Variants in SLCO1A2 observed in about 807,000 individuals in gnomAD.
SLCO1A2 encodes the protein solute carrier organic anion transporter family member 1A2.
SLCO1A2 carries 67 observed loss-of-function variants against 69.0 expected under a neutral mutation model. The observed-to-expected ratio is 0.97, with a 90% CI of 0.80 to 1.19. The LOEUF is 1.19. Among genes scored for constraint, SLCO1A2 ranks in the 50% most tolerant of loss-of-function variants. The pLI is 0.00. For missense variants in SLCO1A2, 787 were observed against 793.7 expected, an observed-to-expected ratio of 0.99 and a Z score of 0.10; for synonymous variants, 260 against 265.9, an observed-to-expected ratio of 0.98 and a Z score of 0.22.
chr12:21,414,093 C>T (rs1941953905), intron 1 of SLCO1A2, among the ~76,000 whole-genome samples: 1 of 146,802 alleles, frequency 6.8e-6, no homozygotes, highest in Non-Finnish European at 1.5e-5. Flanking sequence ...AGAAAACTAA[C>T]ACTTTGAGTT....
At chr12:21,412,730 CCTCAGGTTCTAGAAGGTTTG>C (rs1941928381) in intron 1 of SLCO1A2, among the ~76,000 whole-genome samples, 1 of 152,130 alleles carries the variant, frequency 6.6e-6, no homozygotes, top group Non-Finnish European at 1.5e-5. Flanking sequence ...AAAGTGAAGG[CCTCAGGTTCTAGAAGGTTTG>C]AATCTTAGCC....
chr12:21,347,689 G>GAAGGAAGA (rs1953315520), intron 2 of SLCO1A2, among the ~76,000 whole-genome samples: 1 of 143,006 alleles, frequency 7.0e-6, no homozygotes, highest in Non-Finnish European at 1.5e-5. Flanking sequence ...AGGAAGGAAG[G>GAAGGAAGA]AAGGAAGGAA....
At chr12:21,402,838 G>T (rs752138675) in intron 1 of SLCO1A2, among the ~76,000 whole-genome samples, 34 of 152,130 alleles carry the variant, frequency 2.2e-4, no homozygotes, top group Non-Finnish European at 3.8e-4. Context: ...AAAAAGATAC[G>T]CCCAAAATTG....
At chr12:21,318,283 C>T (rs61927779) in intron 3 of SLCO1A2, among the ~76,000 whole-genome samples, 17,172 of 151,880 alleles carry the variant, frequency 0.11, 1,064 homozygotes, top group Non-Finnish European at 0.15. Flanking sequence ...CATACCCGGC[C>T]AATTTGTTTG....
In SLCO1A2 at chr12:21,265,267, GTGCAAGGCCTTATTTCCA is replaced by G. The variant is rs749395424; in HGVS notation, c.*4263_*4280del. The G allele has an allele frequency of 1.1e-4, 16 of 152,250 alleles. No individual in the cohort carries two copies. The highest frequency in any genetic ancestry group is 2.1e-4 in the Non-Finnish European group (14 of 68,144). The allele number at this position is 152,250 out of a possible 1,614,324, so 9.4% of individuals were successfully genotyped here. ...CTTTTGTTTCCCACAGCCTATTTCAGTGCAAGGCCTTATTTCCATGAGACTCTGGGAGAACAGCATGCA... is the reference window on the plus strand; with the variant it reads ...CTTTTGTTTCCCACAGCCTATTTCAGTGAGACTCTGGGAGAACAGCATGCA... On this transcript the variant is annotated 3_prime_UTR_variant, in exon 15 of 15. Transcript: ENST00000683939.
intron 4 of SLCO1A2, among the ~76,000 whole-genome samples, chr12:21,312,194 C>A (rs774225185): frequency 1.3e-5 from 2 of 152,236 alleles, no homozygotes; most frequent in African/African-American, 2.4e-5. Context: ...TAACTTGCTG[C>A]AGCTTCTCCA....
At chr12:21,353,119 C>T (rs553176220) in intron 2 of SLCO1A2, among the ~76,000 whole-genome samples, 1 of 152,208 alleles carries the variant, frequency 6.6e-6, no homozygotes, top group Admixed American at 6.5e-5. Context: ...CTGCTTAAAA[C>T]CCCTATTATA....
intron 12 of SLCO1A2, among the ~76,000 whole-genome samples, chr12:21,282,795 GCAAA>G (rs1185955913): frequency 6.6e-6 from 1 of 151,876 alleles, no homozygotes; most frequent in African/African-American, 2.4e-5. Flanking sequence ...TATGCCAACA[GCAAA>G]CAGTCTAAAA....
At chr12:21,376,642 A>T (rs1025914901) in intron 1 of SLCO1A2, among the ~76,000 whole-genome samples, 1 of 151,906 alleles carries the variant, frequency 6.6e-6, no homozygotes, top group African/African-American at 2.4e-5. Flanking sequence ...GTACTTAGGA[A>T]GAAATATGGG....
upstream of SLCO1A2, among the ~76,000 whole-genome samples, chr12:21,337,300 A>G (rs1301870920): frequency 6.6e-6 from 1 of 152,048 alleles, no homozygotes. Flanking sequence ...AGTTTTATAA[A>G]ACAATAATAC....
At chr12:21,395,250 GA>G in exon 1 of SLCO1A2, 1 of 152,828 alleles carries the variant, frequency 6.5e-6, no homozygotes, top group Non-Finnish European at 1.5e-5. Context: ...CTGAGTCAAA[GA>G]AAGGGGTGAC....
chr12:21,292,389 T>G, intron 11 of SLCO1A2, 53 bp from the exon 12 acceptor site: 4 of 1,472,642 alleles, frequency 2.7e-6, no homozygotes, highest in Non-Finnish European at 3.7e-6. Context: ...AACACAAATT[T>G]TAAACATTTT....
intron 13 of SLCO1A2, chr12:21,275,024 T>C: frequency 4.9e-6 from 5 of 1,018,322 alleles, no homozygotes; most frequent in Non-Finnish European, 5.9e-6. Flanking sequence ...ATAACGTGCT[T>C]TTTACATACA....
chr12:21,354,054 G>C (rs1165862387), intron 2 of SLCO1A2, among the ~76,000 whole-genome samples: 1 of 152,090 alleles, frequency 6.6e-6, no homozygotes, highest in Non-Finnish European at 1.5e-5. Context: ...GTAACATTAG[G>C]GTTGTTTGAA....
rs145456505 is a variant in SLCO1A2, at chr12:21,314,676, G to T, written c.208C>A (p.Leu70Ile). ...FINGSFEIGN[L>I]LLIIFVSYFG... ...TAACTCACAAATATAATCAACAAAA[G>T]ATTTCCTAGGAAAAAATTGAGAATA... Residue 70 changes from leucine (L) to isoleucine (I), a missense_variant, in exon 4 of 15, where the codon CTT becomes ATT. Coordinates refer to ENST00000683939, the MANE Select transcript of SLCO1A2 (RefSeq NM_001386879.1). 3.8e-6 allele frequency: 6 copies of T among 1,596,276 alleles called. No individual in the cohort carries two copies. The South Asian group carries it at 4.4e-5, about 12-fold the overall frequency.
At chr12:21,319,247 TA>T (rs1174897999) in intron 2 of SLCO1A2, 2 of 964,532 alleles carry the variant, frequency 2.1e-6, no homozygotes, top group Non-Finnish European at 3.0e-6. Flanking sequence ...CAATGATATC[TA>T]AAGTACAAAA....
At chr12:21,354,583 T>A (rs1361980371) in intron 2 of SLCO1A2, among the ~76,000 whole-genome samples, 3 of 152,316 alleles carry the variant, frequency 2.0e-5, no homozygotes, top group Non-Finnish European at 4.4e-5. Context: ...ATACATTGAA[T>A]CTATATTAGT....
intron 2 of SLCO1A2, among the ~76,000 whole-genome samples, chr12:21,320,751 G>A (rs1264560220): frequency 6.6e-6 from 1 of 152,022 alleles, no homozygotes; most frequent in African/African-American, 2.4e-5. Flanking sequence ...CGCCCACCTT[G>A]GCCTCCCAAA....
chr12:21,282,180 C>T (rs997197579), intron 12 of SLCO1A2, among the ~76,000 whole-genome samples: 4 of 150,140 alleles, frequency 2.7e-5, no homozygotes, highest in African/African-American at 9.8e-5. Context: ...TGCAAAAATC[C>T]TCAACAAAAT....
Sources: gnomAD v4.1 joint callset for allele counts (sites outside exome capture counted in the v4.1 genomes callset) on GRCh38, gnomAD v4.1.1 for gene constraint, MANE v1.5 for transcripts, NCBI Gene and HGNC (gene_info 2026-07-23, HGNC 2026-07-21) for gene names.